The following NCKAP5 variants were observed in gnomAD, a reference collection of about 807,000 sequenced individuals.
NCKAP5 encodes the protein nck-associated protein 5.
NCKAP5 carries 92 observed loss-of-function variants against 167.0 expected under a neutral mutation model. The ratio of observed to expected loss-of-function variants is 0.55; its 90% CI spans 0.47 to 0.66. The LOEUF is 0.66. Ranked by LOEUF, NCKAP5 falls within the 30% of genes least tolerant of loss-of-function variation. The pLI is 0.00. For missense variants in NCKAP5, 2,378 were observed against 2,315.0 expected (o/e 1.03, Z -0.56); for synonymous variants, 891 against 877.4 (o/e 1.02, Z -0.27).
intron 2 of NCKAP5, among the ~76,000 whole-genome samples, chr2:133,549,649 A>G (rs1332178494): frequency 2.8e-5 from 4 of 141,800 alleles, no homozygotes; most frequent in South Asian, 4.8e-4. Context: ...AGCAGGAAAG[A>G]TCCAAAATTG....
At chr2:132,740,550 A>G (rs1679095263) in intron 16 of NCKAP5, among the ~76,000 whole-genome samples, 1 of 152,138 alleles carries the variant, frequency 6.6e-6, no homozygotes. Context: ...GTAAAAAGTG[A>G]TTATACTGGT....
intron 2 of NCKAP5, among the ~76,000 whole-genome samples, chr2:133,526,767 AC>A (rs1294498078): frequency 1.3e-5 from 2 of 152,174 alleles, no homozygotes; most frequent in Admixed American, 6.5e-5. Context: ...GATTTATAAT[AC>A]ATTACATAAA....
At chr2:132,853,364 A>G (rs1456142664) in intron 11 of NCKAP5, among the ~76,000 whole-genome samples, 2 of 152,178 alleles carry the variant, frequency 1.3e-5, no homozygotes, top group African/African-American at 4.8e-5. Flanking sequence ...TGCAGGGCAC[A>G]CAACTTCCTT....
intron 3 of NCKAP5, chr2:133,381,652 T>C (rs184373833): frequency 6.6e-6 from 1 of 152,378 alleles, no homozygotes; most frequent in South Asian, 2.1e-4. Flanking sequence ...GAAATCACAG[T>C]GGCCAAATCC....
At chr2:133,231,142 C>T (rs1442097595) in intron 4 of NCKAP5, among the ~76,000 whole-genome samples, 1 of 152,052 alleles carries the variant, frequency 6.6e-6, no homozygotes, top group Non-Finnish European at 1.5e-5. Context: ...GAAATGGAGG[C>T]TCAAAGAATA....
chr2:133,248,213 G>C (rs1309657466), intron 4 of NCKAP5, among the ~76,000 whole-genome samples: 1 of 152,220 alleles, frequency 6.6e-6, no homozygotes, highest in Non-Finnish European at 1.5e-5. Context: ...AAGCTACCTT[G>C]ACTAAGTGTG....
At chr2:133,609,860 C>T in the NCKAP5 span, among the ~76,000 whole-genome samples, 25 of 152,096 alleles carry the variant, frequency 1.6e-4, no homozygotes, top group Non-Finnish European at 3.1e-4. Context: ...TCAAGAGTGA[C>T]TCATAATAAA....
intron 3 of NCKAP5, among the ~76,000 whole-genome samples, chr2:133,363,862 C>A (rs1042536786): frequency 3.3e-5 from 5 of 152,084 alleles, no homozygotes; most frequent in African/African-American, 9.7e-5. Flanking sequence ...ACATGTATTA[C>A]CTTGTTTAAC....
the NCKAP5 span, among the ~76,000 whole-genome samples, chr2:133,580,665 C>A: frequency 1.8e-4 from 28 of 152,298 alleles, no homozygotes; most frequent in African/African-American, 6.5e-4. Context: ...ACAAATTAAG[C>A]ATTTTCCCCA....
intron 6 of NCKAP5, among the ~76,000 whole-genome samples, chr2:133,037,664 C>A (rs572367550): frequency 5.3e-4 from 81 of 152,016 alleles, no homozygotes; most frequent in Middle Eastern, 3.4e-3. Flanking sequence ...GGATTAGAGA[C>A]AAAACTCAAA....
intron 3 of NCKAP5, among the ~76,000 whole-genome samples, chr2:133,499,371 A>G (rs1474084987): frequency 1.3e-5 from 2 of 152,220 alleles, no homozygotes; most frequent in Non-Finnish European, 2.9e-5. Context: ...TGTCTCAGTC[A>G]TCTGTGGGTT....
At chr2:133,605,841 C>T in the NCKAP5 span, among the ~76,000 whole-genome samples, 1 of 152,132 alleles carries the variant, frequency 6.6e-6, no homozygotes, top group Non-Finnish European at 1.5e-5. Flanking sequence ...TAGCACATGT[C>T]TTACCAAGCT....
At chr2:133,427,132 T>C (rs1390155779) in intron 3 of NCKAP5, among the ~76,000 whole-genome samples, 1 of 152,194 alleles carries the variant, frequency 6.6e-6, no homozygotes, top group East Asian at 1.9e-4. Context: ...TCAATTAAAC[T>C]GAAAGCTGGT....
intron 19 of NCKAP5, among the ~76,000 whole-genome samples, chr2:132,716,421 C>A (rs1453635776): frequency 6.6e-6 from 1 of 152,202 alleles, no homozygotes; most frequent in Admixed American, 6.5e-5. Flanking sequence ...AGTTTTCTTT[C>A]AGCCCTGGCG....
chr2:133,034,829 C>A (rs2078990144), intron 6 of NCKAP5, among the ~76,000 whole-genome samples: 1 of 151,818 alleles, frequency 6.6e-6, no homozygotes, highest in African/African-American at 2.4e-5. Flanking sequence ...ATTTTCATTA[C>A]AGGAAGACAG....
intron 6 of NCKAP5, among the ~76,000 whole-genome samples, chr2:133,020,539 T>A (rs1381595968): frequency 1.3e-5 from 2 of 152,180 alleles, no homozygotes; most frequent in African/African-American, 2.4e-5. Context: ...TCAGGGGAAG[T>A]GGTTTCACAG....
chr2:132,901,830 G>A (rs1693651086), intron 8 of NCKAP5, among the ~76,000 whole-genome samples: 1 of 152,186 alleles, frequency 6.6e-6, no homozygotes, highest in Non-Finnish European at 1.5e-5. Flanking sequence ...ACTTAGAAGG[G>A]TCTGGTTCCA....
chr2:133,024,189 T>C (rs1264724122), intron 6 of NCKAP5, among the ~76,000 whole-genome samples: 1 of 152,194 alleles, frequency 6.6e-6, no homozygotes, highest in Admixed American at 6.5e-5. Flanking sequence ...CAAAGAAAAT[T>C]CAAAGGATAC....
intron 4 of NCKAP5, among the ~76,000 whole-genome samples, chr2:133,252,688 T>C (rs114361317): frequency 0.015 from 2,292 of 152,232 alleles, 29 homozygotes; most frequent in Non-Finnish European, 0.023. Context: ...GACCAGAGGT[T>C]TTTTAGGCCA....
Sources: allele counts gnomAD v4.1 joint callset (sites outside exome capture counted in the v4.1 genomes callset), GRCh38; gene constraint gnomAD v4.1.1; transcripts MANE v1.5; gene names NCBI Gene and HGNC (gene_info 2026-07-23, HGNC 2026-07-21).